Variants in ASPHD1 observed in about 807,000 individuals in gnomAD.
ASPHD1 encodes aspartate beta-hydroxylase domain-containing protein 1.
A neutral mutation model predicts 28.3 loss-of-function variants in ASPHD1; 20 were observed. That is an observed-to-expected ratio of 0.71 (90% CI 0.50 to 1.03). The LOEUF (loss-of-function observed/expected upper bound fraction) is 1.03, where lower values mean the gene tolerates loss of function less well. Ranked by LOEUF, ASPHD1 falls within the 50% of genes least tolerant of loss-of-function variation. ASPHD1 has a pLI of 0.00. For missense variants in ASPHD1, 479 were observed against 524.1 expected (o/e 0.91, Z 0.84); for synonymous variants, 240 against 221.2 (o/e 1.08, Z -0.75).
At chr16:29,907,196 C>T (rs572838992), downstream of ASPHD1, 1,152 of 870,054 alleles carry the variant, frequency 1.3e-3, no homozygotes, top group Non-Finnish European at 1.8e-3. Flanking sequence ...CACCAACACA[C>T]CTCCTAGCCC....
downstream of ASPHD1, chr16:29,906,880 T>C: frequency 6.2e-7 from 1 of 1,613,912 alleles, no homozygotes; most frequent in Non-Finnish European, 8.5e-7. Flanking sequence ...GGTCAGTCCT[T>C]GAAGACAATT....
In ASPHD1 at chr16:29,901,877, G is replaced by A; in HGVS notation, c.906G>A (p.Glu302=). 2 of 1,522,882 alleles carry A rather than the reference G, an allele frequency of 1.3e-6. No homozygotes were observed. Among genetic ancestry groups the A allele is most frequent in the Non-Finnish European group, 8.8e-7 (1 of 1,138,652 alleles). The allele number at this position is 1,522,882 out of a possible 1,614,324, so 94.3% of individuals were successfully genotyped here. A position where few individuals can be genotyped will look rare whatever the true frequency, so the allele number is the denominator to read the frequency against. The change falls in exon 1 of 3, where the codon GAG becomes GAA. Residue 302 remains glutamate (E), a synonymous_variant. Transcript: ENST00000308748. The surrounding 1 kb of genome is among the most constrained non-coding windows in gnomAD (Gnocchi z 5.1). Reference sequence around the variant, plus strand: ...TTCTCCTGCCTGGGGCCCGGCTCGAGGGCCGCTGTGGGCCCACCAATGCCC... The same window carrying A: ...TTCTCCTGCCTGGGGCCCGGCTCGAAGGCCGCTGTGGGCCCACCAATGCCC... ...FSVLLPGARL[E]GRCGPTNARV... is the part of the protein sequence containing the mutation.
chr16:29,919,677 T>C (rs939230618), downstream of ASPHD1: 2 of 152,176 alleles, frequency 1.3e-5, no homozygotes, highest in African/African-American at 2.4e-5. Flanking sequence ...AGATGGCAAT[T>C]ATTAACAACA....
At chr16:29,919,117 A>G (rs1256597533) in intron 3 of ASPHD1, among the ~76,000 whole-genome samples, 3 of 152,190 alleles carry the variant, frequency 2.0e-5, no homozygotes, top group African/African-American at 7.2e-5. Flanking sequence ...TAAAATCTAC[A>G]GTCTGGTTTA....
rs1332772492 is a variant in ASPHD1 at position 29,901,444 on chromosome 16, C to G, written c.473C>G (p.Ser158Cys). 5 of 1,604,908 alleles carry G rather than the reference C, an allele frequency of 3.1e-6. No homozygotes were observed. Among genetic ancestry groups the G allele is most frequent in the Non-Finnish European group, 4.2e-6 (5 of 1,177,154 alleles). ...RRLRAYARRY[S>C]WAGMGRVRRA... ...CTTCGGGCCTACGCAAGGCGCTACTCCTGGGCTGGGATGGGTAGAGTGAGG... is the reference window on the plus strand; with the variant it reads ...CTTCGGGCCTACGCAAGGCGCTACTGCTGGGCTGGGATGGGTAGAGTGAGG... The change falls in exon 1 of 3, where the codon TCC becomes TGC. Residue 158 changes from serine to cysteine, a missense_variant. Coordinates refer to ENST00000308748, the MANE Select transcript of ASPHD1 (RefSeq NM_181718.4). This position sits in a 1 kb window ranked among gnomAD's most constrained non-coding sequence, Gnocchi z 5.1.
chr16:29,908,737 C>T (rs977753641), downstream of ASPHD1, among the ~76,000 whole-genome samples: 10 of 149,996 alleles, frequency 6.7e-5, no homozygotes, highest in African/African-American at 7.4e-5. Context: ...AGATCTCACT[C>T]TGTTGCCTAG....
intron 2 of ASPHD1, 66 bp from the exon 3 acceptor site, chr16:29,905,722 G>A (rs1293156627): frequency 9.5e-7 from 1 of 1,050,850 alleles, no homozygotes; most frequent in East Asian, 2.5e-5. Flanking sequence ...ATGGTGTTTG[G>A]TGAGTGCTCT....
downstream of ASPHD1, chr16:29,906,831 T>C (rs1482195369): frequency 6.4e-7 from 1 of 1,556,222 alleles, no homozygotes. Flanking sequence ...AGAGAGGGAC[T>C]GGGTCCCAAG....
chr16:29,902,884 TTTTTC>T (rs1406681946), intron 1 of ASPHD1, among the ~76,000 whole-genome samples: 7 of 36,620 alleles, frequency 1.9e-4, no homozygotes, highest in Non-Finnish European at 2.8e-4. Context: ...AGATTTTTTC[TTTTTC>T]TTTTTTTTTT....
At chr16:29,904,068 G>A (rs1202206261) in intron 1 of ASPHD1, among the ~76,000 whole-genome samples, 1 of 151,914 alleles carries the variant, frequency 6.6e-6, no homozygotes, top group Admixed American at 6.6e-5. Context: ...CACTTTGGGA[G>A]GCCAAAGCAG....
At position 29,900,630 on chromosome 16, in the gene ASPHD1, G is replaced by C. The variant is rs906228223; in HGVS notation, c.-342G>C. Reference sequence around the variant, plus strand: ...GAGCGAGAGCCAGGCAGGACCGCAGGGTCGGGGCTAGTGAGGAGCGAGGGC... The same window carrying C: ...GAGCGAGAGCCAGGCAGGACCGCAGCGTCGGGGCTAGTGAGGAGCGAGGGC... On this transcript the variant is annotated 5_prime_UTR_variant, in exon 1 of 3. Coordinates refer to ENST00000308748, the MANE Select transcript of ASPHD1 (RefSeq NM_181718.4). 5.5e-6 allele frequency: 2 copies of C among 364,940 alleles called. No individual in the cohort carries two copies. Among genetic ancestry groups the C allele is most frequent in the Non-Finnish European group, 1.0e-5 (2 of 199,120 alleles). The allele number at this position is 364,940 out of a possible 1,614,324, so 22.6% of individuals were successfully genotyped here.
chr16:29,905,107 T>C (rs2068590244), intron 2 of ASPHD1, 142 bp downstream of exon 2: 2 of 602,540 alleles, frequency 3.3e-6, no homozygotes, highest in South Asian at 2.0e-5. Flanking sequence ...ACAAGCCGCA[T>C]AACTTCTCCA....
At chr16:29,906,911 G>A (rs773039788), downstream of ASPHD1, 35 of 1,614,028 alleles carry the variant, frequency 2.2e-5, no homozygotes, top group African/African-American at 6.7e-5. Flanking sequence ...GAGGACGCTC[G>A]TCGTGGGTGA....
chr16:29,901,717 G>A lies in ASPHD1; in HGVS notation c.746G>A (p.Cys249Tyr). ...TGGTCCCCACCTCTGGCCCCCGGGT[G>A]CTACCAGCTCCTGCTGTACCAAGCA... is the stretch of plus-strand genomic sequence containing the variant. ...RGWSPPLAPG[C>Y]YQLLLYQAGR... is the part of the protein sequence containing the mutation. Residue 249 changes from cysteine to tyrosine, a missense_variant, in exon 1 of 3, where the codon TGC becomes TAC. Coordinates refer to ENST00000308748, the MANE Select transcript of ASPHD1 (RefSeq NM_181718.4). This position sits in a 1 kb window ranked among gnomAD's most constrained non-coding sequence, Gnocchi z 5.1. 2 of 1,570,668 alleles carry A rather than the reference G, an allele frequency of 1.3e-6. No individual in the cohort carries two copies. The highest frequency in any genetic ancestry group is 1.7e-6 in the Non-Finnish European group (2 of 1,161,784).
chr16:29,908,863 T>C (rs2150832910), downstream of ASPHD1, among the ~76,000 whole-genome samples: 1 of 151,990 alleles, frequency 6.6e-6, no homozygotes, highest in East Asian at 1.9e-4. Context: ...CAGTTAATTT[T>C]TTTTTATTTT....
In ASPHD1 at chr16:29,901,776, C is replaced by T. The variant is rs755971434; in HGVS notation, c.805C>T (p.Pro269Ser). 2.6e-6 allele frequency: 4 copies of T among 1,556,572 alleles called. No individual in the cohort carries two copies. In the African/African-American group the frequency reaches 4.1e-5, roughly 16 times the overall value. Residue 269 changes from proline to serine, a missense_variant, in exon 1 of 3, where the codon CCG becomes TCG. Coordinates refer to ENST00000308748, the MANE Select transcript of ASPHD1 (RefSeq NM_181718.4). The surrounding 1 kb of genome is among the most constrained non-coding windows in gnomAD (Gnocchi z 5.1). ...RCQPSNCRRCPGAYRALRGLR... is the reference protein window; with the variant it reads ...RCQPSNCRRCSGAYRALRGLR... ...CCAACCCAGCAACTGCCGCCGGTGC[C>T]CGGGGGCCTATCGGGCACTGAGGGG...
At chr16:29,911,725 C>T (rs1007952629) in intron 3 of ASPHD1, 37 of 1,387,562 alleles carry the variant, frequency 2.7e-5, no homozygotes, top group Admixed American at 3.7e-5. Context: ...CTTGTAGGCC[C>T]CCCGTGTGGC....
At chr16:29,906,063 A>C (rs1475526315), downstream of ASPHD1, 20 of 513,420 alleles carry the variant, frequency 3.9e-5, no homozygotes, top group Non-Finnish European at 1.0e-5. Context: ...CTAACTCCCG[A>C]CTACTTCCTT....
At chr16:29,913,010 T>C (rs146915872) in intron 3 of ASPHD1, 1 of 152,306 alleles carries the variant, frequency 6.6e-6, no homozygotes, top group Non-Finnish European at 1.5e-5. Context: ...CTCCCAACCT[T>C]GAAAACTCAA....
Sources: gnomAD v4.1 joint callset for allele counts (sites outside exome capture counted in the v4.1 genomes callset) on GRCh38, gnomAD v4.1.1 for gene constraint, Gnocchi (gnomAD v3.1) non-coding constraint, MANE v1.5 for transcripts, NCBI Gene and HGNC (gene_info 2026-07-23, HGNC 2026-07-21) for gene names.